Variants in RAPGEF2 observed in about 807,000 individuals in gnomAD.
RAPGEF2 encodes the protein PDZ domain containing guanine nucleotide exchange factor (GEF) 1.
A neutral mutation model predicts 186.7 loss-of-function variants in RAPGEF2; 54 were observed. The ratio of observed to expected loss-of-function variants is 0.29; its 90% CI spans 0.23 to 0.36. The LOEUF (loss-of-function observed/expected upper bound fraction) is 0.36, where lower values mean the gene tolerates loss of function less well. RAPGEF2 is among the 10% of genes least tolerant of loss of function. The pLI is 1.00. For missense variants in RAPGEF2, 1,532 were observed against 2,045.0 expected (o/e 0.75, Z 4.84); for synonymous variants, 712 against 705.9 (o/e 1.01, Z -0.14).
intron 7 of RAPGEF2, among the ~76,000 whole-genome samples, chr4:159,269,874 G>T (rs1487500405): frequency 6.6e-6 from 1 of 152,044 alleles, no homozygotes; most frequent in African/African-American, 2.4e-5. Context: ...TGTTAAAACC[G>T]TTCACTGCCA....
intron 2 of RAPGEF2, among the ~76,000 whole-genome samples, chr4:159,187,436 A>T (rs1747674000): frequency 6.6e-6 from 1 of 152,186 alleles, no homozygotes; most frequent in South Asian, 2.1e-4. Context: ...GGCAAATAAA[A>T]ACCTACTACT....
chr4:159,156,773 T>C (rs777301799), intron 1 of RAPGEF2, among the ~76,000 whole-genome samples: 4 of 152,102 alleles, frequency 2.6e-5, no homozygotes, highest in Non-Finnish European at 4.4e-5. Flanking sequence ...GTTGTTGCAG[T>C]TGGTCTCGAT....
chr4:159,197,372 A>G (rs1467720804), intron 3 of RAPGEF2, among the ~76,000 whole-genome samples: 4 of 152,202 alleles, frequency 2.6e-5, no homozygotes, highest in African/African-American at 9.7e-5. Flanking sequence ...ATTACATTTA[A>G]CGTGCTCAAA....
At chr4:159,108,710 G>A (rs1738166337) in intron 1 of RAPGEF2, among the ~76,000 whole-genome samples, 1 of 152,066 alleles carries the variant, frequency 6.6e-6, no homozygotes, top group Non-Finnish European at 1.5e-5. Flanking sequence ...GGTGCTTTCA[G>A]GATGGTATGG....
At chr4:159,250,852 C>T (rs114384552) in intron 7 of RAPGEF2, among the ~76,000 whole-genome samples, 2,746 of 152,204 alleles carry the variant, frequency 0.018, 93 homozygotes, top group African/African-American at 0.061. Flanking sequence ...ACCGCCACTG[C>T]GCTATGGGGG....
At chr4:159,272,357 G>A (rs1037134230) in intron 7 of RAPGEF2, among the ~76,000 whole-genome samples, 1 of 152,088 alleles carries the variant, frequency 6.6e-6, no homozygotes, top group Non-Finnish European at 1.5e-5. Flanking sequence ...ACAAGATTGT[G>A]CTCTTTTATT....
intron 3 of RAPGEF2, among the ~76,000 whole-genome samples, chr4:159,198,083 TTGA>T (rs1387341837): frequency 1.3e-5 from 2 of 152,186 alleles, no homozygotes; most frequent in Non-Finnish European, 2.9e-5. Flanking sequence ...TTTTTCCTTC[TTGA>T]TGTGACCAAG....
chr4:159,190,805 C>G (rs1463356972), intron 2 of RAPGEF2, among the ~76,000 whole-genome samples: 1 of 152,166 alleles, frequency 6.6e-6, no homozygotes, highest in Non-Finnish European at 1.5e-5. Flanking sequence ...CCCCATAATT[C>G]AGTTATCACC....
chr4:159,277,560 T>C (rs1169665018), intron 7 of RAPGEF2, among the ~76,000 whole-genome samples: 3 of 152,228 alleles, frequency 2.0e-5, no homozygotes, highest in African/African-American at 7.2e-5. Flanking sequence ...AAAGTGTTCC[T>C]GTTTCTCCAC....
At chr4:159,111,249 T>C (rs1349711197) in intron 1 of RAPGEF2, among the ~76,000 whole-genome samples, 1 of 152,168 alleles carries the variant, frequency 6.6e-6, no homozygotes, top group East Asian at 1.9e-4. Flanking sequence ...TTCATATCCA[T>C]TATGTATAAG....
At chr4:159,145,515 A>G (rs562236452) in intron 1 of RAPGEF2, among the ~76,000 whole-genome samples, 3 of 145,786 alleles carry the variant, frequency 2.1e-5, no homozygotes, top group East Asian at 2.0e-4. Flanking sequence ...CAAAAACATT[A>G]CCAAAAACAT....
At chr4:159,346,262 T>C (rs1472097853) in intron 24 of RAPGEF2, among the ~76,000 whole-genome samples, 1 of 152,242 alleles carries the variant, frequency 6.6e-6, no homozygotes. Flanking sequence ...CCACAAAATA[T>C]ATACTCAGTA....
intron 8 of RAPGEF2, among the ~76,000 whole-genome samples, chr4:159,307,292 A>G (rs760093858): frequency 1.2e-4 from 18 of 152,186 alleles, no homozygotes; most frequent in Non-Finnish European, 2.1e-4. Flanking sequence ...AATACAAGAC[A>G]TATTCATTTA....
chr4:159,296,469 A>G (rs1290013154), intron 7 of RAPGEF2, among the ~76,000 whole-genome samples: 1 of 152,220 alleles, frequency 6.6e-6, no homozygotes, highest in African/African-American at 2.4e-5. Flanking sequence ...CAATTAGTAA[A>G]TTAATAAATA....
intron 4 of RAPGEF2, among the ~76,000 whole-genome samples, chr4:159,232,759 G>C (rs1388787240): frequency 2.0e-5 from 3 of 152,040 alleles, no homozygotes; most frequent in Non-Finnish European, 4.4e-5. Flanking sequence ...CAATGCACAG[G>C]GTTCCAAGTC....
chr4:159,131,604 T>G (rs1741119300), intron 1 of RAPGEF2, among the ~76,000 whole-genome samples: 1 of 150,102 alleles, frequency 6.7e-6, no homozygotes, highest in South Asian at 2.1e-4. Context: ...TTTTTACTAG[T>G]TGAAGAGAAA....
chr4:159,320,806 A>G (rs1320763681), intron 9 of RAPGEF2, among the ~76,000 whole-genome samples: 2 of 152,152 alleles, frequency 1.3e-5, no homozygotes, highest in Non-Finnish European at 1.5e-5. Context: ...ATTTGTCACT[A>G]AATCTTAACA....
At chr4:159,323,696 C>A in intron 11 of RAPGEF2, 79 bp downstream of exon 11, 2 of 885,048 alleles carry the variant, frequency 2.3e-6, no homozygotes, top group South Asian at 5.1e-5. Context: ...AGATTTTTCT[C>A]CCTATATAAA....
chr4:159,198,984 G>A (rs1749106926), intron 3 of RAPGEF2, among the ~76,000 whole-genome samples: 2 of 147,058 alleles, frequency 1.4e-5, no homozygotes, highest in South Asian at 4.3e-4. Context: ...GCTGAGCCAC[G>A]AGAATTGCCT....
Sources: allele counts gnomAD v4.1 joint callset (sites outside exome capture counted in the v4.1 genomes callset), GRCh38; gene constraint gnomAD v4.1.1; transcripts MANE v1.5; gene names NCBI Gene and HGNC (gene_info 2026-07-23, HGNC 2026-07-21).